The following GON4L variants were observed in gnomAD, a reference collection of about 807,000 sequenced individuals.
GON4L encodes GON-4-like protein.
A neutral mutation model predicts 211.8 loss-of-function variants in GON4L; 87 were observed. The ratio of observed to expected loss-of-function variants is 0.41; its 90% CI spans 0.35 to 0.49. The LOEUF is 0.49. Among genes scored for constraint, GON4L ranks in the 20% least tolerant of loss-of-function variants. The pLI is 0.15. For synonymous variants in GON4L, 875 were observed against 962.6 expected (o/e 0.91, Z 1.68); for missense variants, 2,155 against 2,659.5 (o/e 0.81, Z 4.17).
intron 2 of GON4L, chr1:155,845,463 GA>G: frequency 2.9e-6 from 1 of 349,710 alleles, no homozygotes. Flanking sequence ...AGCAAGGTTG[GA>G]AACCAGAAAT....
intron 13 of GON4L, chr1:155,784,993 C>T (rs1664802090): frequency 5.3e-6 from 2 of 377,302 alleles, no homozygotes; most frequent in Non-Finnish European, 1.0e-5. Context: ...CCCAGCTACT[C>T]AGGAGGCTTA....
At chr1:155,756,844 G>A (rs576652930) in intron 27 of GON4L, 114 bp downstream of exon 27, 27 of 732,152 alleles carry the variant, frequency 3.7e-5, no homozygotes, top group East Asian at 2.7e-4. Flanking sequence ...TGGGAGAATC[G>A]CTTGAATCTG....
chr1:155,814,552 C>T (rs1668067759), intron 8 of GON4L, 103 bp from the exon 9 acceptor site: 2 of 1,230,188 alleles, frequency 1.6e-6, no homozygotes, highest in South Asian at 2.4e-5. Flanking sequence ...AATCACTCAG[C>T]CTGGCCAACA....
chr1:155,808,070 A>C (rs1667331388), intron 10 of GON4L, among the ~76,000 whole-genome samples: 1 of 150,248 alleles, frequency 6.7e-6, no homozygotes. Context: ...ATGGAGTCTC[A>C]CTCTTTCCTA....
intron 2 of GON4L, among the ~76,000 whole-genome samples, chr1:155,829,423 T>C (rs1453157231): frequency 3.9e-5 from 6 of 152,056 alleles, no homozygotes; most frequent in Non-Finnish European, 7.4e-5. Context: ...CTGGGTAACA[T>C]GGTAAAACCT....
chr1:155,845,723 T>C, intron 2 of GON4L: 1 of 289,522 alleles, frequency 3.5e-6, no homozygotes. Flanking sequence ...CTGCCGTAAC[T>C]CAGTATTGGT....
In GON4L at chr1:155,760,449, C is replaced by T; in HGVS notation, c.5104G>A (p.Gly1702Arg). 1 of 1,596,540 alleles carries T rather than the reference C, an allele frequency of 6.3e-7. No homozygotes were observed. The highest frequency in any genetic ancestry group is 8.6e-7 in the Non-Finnish European group (1 of 1,167,198). ...FLLPEQALAC[G>R]LFEEQQAFEK... The stretch of plus-strand genomic sequence containing the variant: ...TTTTTTCCCCATTCACTTACTAATC[C>T]ACAGGCCAGAGCTTGCTCAGGTAAC... The change falls in exon 24 of 32, where the codon GGA (glycine) becomes AGA (arginine). Residue 1702 changes from glycine (G) to arginine (R), a missense_variant. Gly to Arg is a moderately radical substitution (Grantham distance 125). Coordinates refer to ENST00000368331, the MANE Select transcript of GON4L (RefSeq NM_001282860.2).
At chr1:155,805,618 G>T (rs1053771749) in intron 10 of GON4L, among the ~76,000 whole-genome samples, 1 of 151,626 alleles carries the variant, frequency 6.6e-6, no homozygotes, top group Non-Finnish European at 1.5e-5. Context: ...ATCATAAAAT[G>T]TGTGGCCTGT....
rs145360103 is a variant in GON4L, at chr1:155,811,754, C to CAAAAAAAAAAAAA, written c.1452+1867_1452+1879dup. Among the ~76,000 whole-genome samples the CAAAAAAAAAAAAA allele has an allele frequency of 1.7e-3, 56 of 33,050 alleles. 4 individuals carry two copies. Among genetic ancestry groups the CAAAAAAAAAAAAA allele is most frequent in the African/African-American group, 7.8e-3 (53 of 6,822 alleles). The allele number at this position is 33,050 out of a possible 152,430, so 21.7% of individuals were successfully genotyped here. ...CTGGGAGACAGGCAAGACTCTGTCT[C>CAAAAAAAAAAAAA]AAAAAAAAAAAAAAAAAAAAAAAAA... On this transcript the variant is annotated intron_variant, in intron 10 of 31. Transcript: ENST00000368331.
At chr1:155,774,849 G>A (rs1472830853) in intron 17 of GON4L, 153 bp downstream of exon 17, 1 of 839,232 alleles carries the variant, frequency 1.2e-6, no homozygotes, top group Non-Finnish European at 2.0e-6. Flanking sequence ...CTTGGATAAT[G>A]AGTACAAAGG....
intron 27 of GON4L, 36 bp from the exon 28 acceptor site, chr1:155,754,524 GTT>G (rs760971402): frequency 0.05 from 22,813 of 455,394 alleles, 4 homozygotes; most frequent in Middle Eastern, 0.057. Context: ...CTGCCAAGTT[GTT>G]TTTTTTTTTT....
At chr1:155,832,090 C>T (rs943768846) in intron 2 of GON4L, among the ~76,000 whole-genome samples, 1 of 151,656 alleles carries the variant, frequency 6.6e-6, no homozygotes, top group African/African-American at 2.4e-5. Context: ...GCCTGGCCAA[C>T]ATGGCGAAAC....
chr1:155,788,980 CTCGGG>C (rs1665238299), intron 12 of GON4L, among the ~76,000 whole-genome samples: 2 of 151,620 alleles, frequency 1.3e-5, no homozygotes. Flanking sequence ...GTCCCAGCTA[CTCGGG>C]AGTCTGAGGC....
chr1:155,822,170 G>T, intron 4 of GON4L, 116 bp downstream of exon 4: 1 of 860,598 alleles, frequency 1.2e-6, no homozygotes, highest in Non-Finnish European at 2.0e-6. Flanking sequence ...TCTGTCACGG[G>T]TAACCCACAA....
downstream of GON4L, chr1:155,749,414 G>A: frequency 6.2e-7 from 1 of 1,601,898 alleles, no homozygotes. Flanking sequence ...TACAACAGCA[G>A]CAGCCTGGAG....
At chr1:155,777,923 C>A in intron 14 of GON4L, 103 bp from the exon 15 acceptor site, 1 of 750,470 alleles carries the variant, frequency 1.3e-6, no homozygotes, top group East Asian at 2.5e-5. Context: ...ATTTTCATTC[C>A]CTACTAATCC....
chr1:155,753,047 G>T (rs1056560312), intron 29 of GON4L, among the ~76,000 whole-genome samples, 157 bp downstream of exon 29: 4 of 152,138 alleles, frequency 2.6e-5, no homozygotes, highest in South Asian at 2.1e-4. Context: ...GATAGAAAAA[G>T]CCTGAACAGC....
In GON4L at chr1:155,773,148, T is replaced by C. The variant is rs1663385631; in HGVS notation, c.2413A>G (p.Met805Val). The change falls in exon 18 of 32, where the codon ATG becomes GTG. Residue 805 changes from methionine to valine, a missense_variant. Around this residue, in one of 6 missense-constraint regions of GON4L, gnomAD observed 551 missense variants for 854.0 expected, o/e 0.65. Coordinates refer to ENST00000368331, the MANE Select transcript of GON4L (RefSeq NM_001282860.2). ...CACACTGGAAGTAACTCTGGATACATGAAAACCTTGCTTGTGGCCAGAATC... is the reference window on the plus strand; with the variant it reads ...CACACTGGAAGTAACTCTGGATACACGAAAACCTTGCTTGTGGCCAGAATC... ...AWILATSKVF[M>V]YPELLPVCSL... 4 of 1,613,960 alleles carry C rather than the reference T, an allele frequency of 2.5e-6. No homozygotes were observed. The highest frequency in any genetic ancestry group is 3.4e-6 in the Non-Finnish European group (4 of 1,179,958).
At chr1:155,848,780 CA>C (rs546007914) in intron 2 of GON4L, among the ~76,000 whole-genome samples, 2 of 150,614 alleles carry the variant, frequency 1.3e-5, no homozygotes, top group Non-Finnish European at 3.0e-5. Context: ...CATTTTCAGA[CA>C]AAAAAAAATC....
Sources: allele counts gnomAD v4.1 joint callset (sites outside exome capture counted in the v4.1 genomes callset), GRCh38; gene constraint gnomAD v4.1.1; regional missense constraint gnomAD v4.1.1; transcripts MANE v1.5; gene names NCBI Gene and HGNC (gene_info 2026-07-23, HGNC 2026-07-21).